RORA: variants seen among roughly 807,000 people sequenced by gnomAD.
The protein encoded by RORA is nuclear receptor ROR-alpha.
In RORA, 7 loss-of-function variants were observed where a neutral mutation model predicts 69.5. That is an observed-to-expected ratio of 0.10 (90% CI 0.06 to 0.19). RORA has a LOEUF of 0.19. Among genes scored for constraint, RORA ranks in the 10% least tolerant of loss-of-function variants. The probability of loss-of-function intolerance (pLI) is 1.00; values close to 1 mark genes in which losing one functional copy is unlikely to be tolerated. For missense variants in RORA, 457 were observed against 663.0 expected (o/e 0.69, Z 3.41); for synonymous variants, 261 against 240.8 (o/e 1.08, Z -0.78).
At chr15:60,643,775 C>T (rs1053216759) in intron 2 of RORA, among the ~76,000 whole-genome samples, 1 of 152,140 alleles carries the variant, frequency 6.6e-6, no homozygotes, top group Non-Finnish European at 1.5e-5. Flanking sequence ...ATTTTTGGAA[C>T]CCACAGAGGC....
At chr15:60,699,292 A>G (rs951388048) in intron 1 of RORA, among the ~76,000 whole-genome samples, 3 of 152,294 alleles carry the variant, frequency 2.0e-5, no homozygotes, top group African/African-American at 7.2e-5. Flanking sequence ...TTATGATTTT[A>G]CTTTTTATGT....
At chr15:60,769,494 C>T (rs1000902857) in intron 1 of RORA, among the ~76,000 whole-genome samples, 2 of 152,102 alleles carry the variant, frequency 1.3e-5, no homozygotes, top group African/African-American at 4.8e-5. Flanking sequence ...AGCTGCTCTG[C>T]AAATTTGGTT....
At chr15:60,515,574 T>TA (rs1406262324) in intron 3 of RORA, among the ~76,000 whole-genome samples, 1 of 152,134 alleles carries the variant, frequency 6.6e-6, no homozygotes, top group Non-Finnish European at 1.5e-5. Flanking sequence ...TGTTTATTCT[T>TA]AGAGTGTCAA....
At chr15:60,781,874 G>A (rs879476999) in intron 1 of RORA, among the ~76,000 whole-genome samples, 7 of 152,210 alleles carry the variant, frequency 4.6e-5, no homozygotes, top group Admixed American at 1.3e-4. Flanking sequence ...TGTGGGTGGG[G>A]AGCCCAGCAG....
rs562986174 is a variant in RORA, at chr15:60,791,660, C to T, written c.167-112974G>A. On this transcript the variant is annotated intron_variant, in intron 1 of 10. Coordinates refer to ENST00000335670, the MANE Select transcript of RORA (RefSeq NM_134261.3). ...CTATGTACAAAATCTGCCCAATCCTCGGCTGGCTGCAAAAATATATGTGCA... is the reference window on the plus strand; with the variant it reads ...CTATGTACAAAATCTGCCCAATCCTTGGCTGGCTGCAAAAATATATGTGCA... Among the ~76,000 whole-genome samples the T allele has an allele frequency of 1.9e-3, 293 of 152,294 alleles. 2 individuals carry two copies. Among genetic ancestry groups the T allele is most frequent in the Non-Finnish European group, 2.9e-3 (196 of 68,022 alleles).
chr15:60,516,052 TATATTTA>T (rs2065897669), intron 3 of RORA, among the ~76,000 whole-genome samples: 2 of 7,110 alleles, frequency 2.8e-4, no homozygotes, highest in African/African-American at 5.9e-4. Context: ...TATATTTATA[TATATTTA>T]TATATATTTA....
At chr15:60,723,385 C>G (rs956482833) in intron 1 of RORA, among the ~76,000 whole-genome samples, 9 of 150,794 alleles carry the variant, frequency 6.0e-5, no homozygotes, top group South Asian at 2.1e-4. Flanking sequence ...ATTCCCCCCC[C>G]CACTCACATA....
chr15:60,676,965 G>A (rs1271421238), intron 2 of RORA: 1 of 322,254 alleles, frequency 3.1e-6, no homozygotes, highest in Non-Finnish European at 6.3e-6. Context: ...GTCCAGTGGA[G>A]CTGAAGTAGT....
At chr15:60,805,674 T>C (rs547509046) in intron 1 of RORA, among the ~76,000 whole-genome samples, 1 of 152,322 alleles carries the variant, frequency 6.6e-6, no homozygotes, top group Non-Finnish European at 1.5e-5. Context: ...GATTACATGG[T>C]AGGTCTATGA....
intron 1 of RORA, among the ~76,000 whole-genome samples, chr15:60,850,264 C>A (rs2073310224): frequency 6.6e-6 from 1 of 152,160 alleles, no homozygotes; most frequent in Non-Finnish European, 1.5e-5. Context: ...CTTAGAACAA[C>A]CCTCTTTGGA....
intron 1 of RORA, among the ~76,000 whole-genome samples, chr15:60,730,820 A>G (rs937676992): frequency 3.9e-5 from 6 of 152,226 alleles, no homozygotes; most frequent in African/African-American, 1.4e-4. Context: ...TTTATGTCTC[A>G]ACAAAATCTC....
chr15:61,049,275 T>A lies in RORA; in HGVS notation c.166+179778A>T, dbSNP rs190166782. ...CGGCTTCTCAGAACTCCCACTTACG[T>A]TGGAGCTCAGCACAGAGATGAGCAT... On this transcript the variant is annotated intron_variant, in intron 1 of 10. Coordinates refer to ENST00000335670, the MANE Select transcript of RORA (RefSeq NM_134261.3). Among the ~76,000 whole-genome samples, 526 of 152,206 alleles carry A rather than the reference T, an allele frequency of 3.5e-3. 2 individuals carry two copies. Among genetic ancestry groups the A allele is most frequent in the Non-Finnish European group, 5.9e-3 (400 of 68,006 alleles).
intron 1 of RORA, among the ~76,000 whole-genome samples, chr15:61,215,718 G>A (rs2080034938): frequency 6.6e-6 from 1 of 152,136 alleles, no homozygotes; most frequent in South Asian, 2.1e-4. Context: ...ACTTTGCACA[G>A]AACCAATTAT....
At chr15:60,980,026 C>T (rs571578402) in intron 1 of RORA, among the ~76,000 whole-genome samples, 111 of 152,040 alleles carry the variant, frequency 7.3e-4, no homozygotes, top group Non-Finnish European at 1.4e-3. Context: ...TTCATAGATG[C>T]CTTTTATTAG....
intron 2 of RORA, among the ~76,000 whole-genome samples, chr15:60,604,158 C>T (rs1011944261): frequency 1.4e-5 from 2 of 143,038 alleles, no homozygotes; most frequent in African/African-American, 5.1e-5. Flanking sequence ...AAAAAAAGCA[C>T]GAACATTAGA....
intron 1 of RORA, among the ~76,000 whole-genome samples, chr15:60,937,498 G>C (rs1387990209): frequency 2.0e-5 from 3 of 152,160 alleles, no homozygotes; most frequent in Admixed American, 6.5e-5. Context: ...TCCTGAAACT[G>C]GGTGAGATCA....
chr15:61,030,180 TG>T (rs1353456149), intron 1 of RORA, among the ~76,000 whole-genome samples: 1 of 152,152 alleles, frequency 6.6e-6, no homozygotes, highest in African/African-American at 2.4e-5. Context: ...TAAAGAGACC[TG>T]ACAACTAGAT....
At chr15:61,089,831 T>C (rs1038419895) in intron 1 of RORA, among the ~76,000 whole-genome samples, 1 of 152,116 alleles carries the variant, frequency 6.6e-6, no homozygotes, top group Non-Finnish European at 1.5e-5. Flanking sequence ...GCTCCAAGGA[T>C]GCCCTGACCT....
chr15:60,757,572 T>G (rs1422019576), intron 1 of RORA, among the ~76,000 whole-genome samples: 1 of 152,228 alleles, frequency 6.6e-6, no homozygotes. Context: ...TGACCAACCA[T>G]GCTACAGTGC....
Sources: allele counts gnomAD v4.1 joint callset (sites outside exome capture counted in the v4.1 genomes callset), GRCh38; gene constraint gnomAD v4.1.1; transcripts MANE v1.5; gene names NCBI Gene and HGNC (gene_info 2026-07-23, HGNC 2026-07-21).